Variants in CACNA2D3 observed in about 807,000 individuals in gnomAD.
CACNA2D3 encodes the protein voltage-dependent calcium channel subunit alpha-2/delta-3.
A neutral mutation model predicts 160.6 loss-of-function variants in CACNA2D3; 60 were observed. The observed-to-expected ratio is 0.37, with a 90% CI of 0.30 to 0.46. The LOEUF is 0.46. Among genes scored for constraint, CACNA2D3 ranks in the 20% least tolerant of loss-of-function variants. The pLI is 1.00. For missense variants in CACNA2D3, 1,205 were observed against 1,365.0 expected, an observed-to-expected ratio of 0.88 and a Z score of 1.85; for synonymous variants, 558 against 492.9, an observed-to-expected ratio of 1.13 and a Z score of -1.75.
intron 11 of CACNA2D3, among the ~76,000 whole-genome samples, chr3:54,690,479 T>C (rs574147147): frequency 1.3e-5 from 2 of 152,354 alleles, no homozygotes; most frequent in South Asian, 2.1e-4. Context: ...TCAATAAATA[T>C]CTGCTGAATG....
At chr3:54,690,050 G>C (rs549028599) in intron 11 of CACNA2D3, among the ~76,000 whole-genome samples, 4 of 152,024 alleles carry the variant, frequency 2.6e-5, no homozygotes, top group African/African-American at 9.6e-5. Flanking sequence ...TGCACTGGTT[G>C]TATCATCTGC....
chr3:54,321,437 A>G (rs1703990701), intron 3 of CACNA2D3, among the ~76,000 whole-genome samples: 1 of 152,070 alleles, frequency 6.6e-6, no homozygotes, highest in Admixed American at 6.5e-5. Context: ...ATGTACCACC[A>G]CACCTCGCTC....
At chr3:54,476,237 A>G (rs1700828944) in intron 4 of CACNA2D3, among the ~76,000 whole-genome samples, 1 of 148,582 alleles carries the variant, frequency 6.7e-6, no homozygotes, top group African/African-American at 2.5e-5. Flanking sequence ...ATATTAATAT[A>G]TAATATTCCT....
intron 27 of CACNA2D3, among the ~76,000 whole-genome samples, chr3:54,903,547 A>T (rs534363342): frequency 6.6e-6 from 1 of 152,328 alleles, no homozygotes; most frequent in South Asian, 2.1e-4. Flanking sequence ...TGATAGAATG[A>T]TTTATATTCC....
intron 2 of CACNA2D3, among the ~76,000 whole-genome samples, chr3:54,207,838 A>T (rs1007558157): frequency 6.6e-6 from 1 of 151,990 alleles, no homozygotes; most frequent in African/African-American, 2.4e-5. Flanking sequence ...TTTCCACAAG[A>T]TTACTTTGGA....
intron 4 of CACNA2D3, among the ~76,000 whole-genome samples, chr3:54,491,290 C>G (rs11716668): frequency 0.99 from 151,046 of 152,358 alleles, 74,888 homozygotes; most frequent in Middle Eastern, 1. Flanking sequence ...GGAAACAATG[C>G]GAGAAGCTAC....
At chr3:54,268,772 C>G (rs554641269) in intron 2 of CACNA2D3, among the ~76,000 whole-genome samples, 38 of 152,244 alleles carry the variant, frequency 2.5e-4, no homozygotes, top group African/African-American at 8.7e-4. Flanking sequence ...TCAGGGTCAC[C>G]CAGCTAGTAA....
At chr3:54,472,275 A>C (rs951852767) in intron 4 of CACNA2D3, among the ~76,000 whole-genome samples, 1 of 152,240 alleles carries the variant, frequency 6.6e-6, no homozygotes, top group Non-Finnish European at 1.5e-5. Context: ...TCCATCACAT[A>C]AACAGAACCA....
At chr3:55,018,425 T>C (rs1703375660) in intron 35 of CACNA2D3, 108 bp downstream of exon 35, 2 of 672,308 alleles carry the variant, frequency 3.0e-6, no homozygotes, top group Admixed American at 2.4e-5. Context: ...ATAGAAAACA[T>C]GGCTGCCCTC....
intron 2 of CACNA2D3, among the ~76,000 whole-genome samples, chr3:54,153,987 A>T (rs1188441841): frequency 6.6e-6 from 1 of 152,226 alleles, no homozygotes; most frequent in Non-Finnish European, 1.5e-5. Flanking sequence ...AAGATGGTAG[A>T]CTATAATCAA....
At chr3:54,583,235 A>C (rs1023103219) in intron 9 of CACNA2D3, among the ~76,000 whole-genome samples, 2 of 152,198 alleles carry the variant, frequency 1.3e-5, no homozygotes, top group African/African-American at 4.8e-5. Context: ...TAAATGATCA[A>C]AGCCTTCCTT....
intron 2 of CACNA2D3, among the ~76,000 whole-genome samples, chr3:54,204,166 C>T (rs1701227252): frequency 1.3e-5 from 2 of 151,918 alleles, no homozygotes; most frequent in African/African-American, 2.4e-5. Context: ...AGACTTGGTC[C>T]GAATTACCCC....
At position 54,814,025 on chromosome 3, in the gene CACNA2D3, C is replaced by T. The variant is rs118012781; in HGVS notation, c.1381-2828C>T. 2.4e-4 allele frequency among the ~76,000 whole-genome samples: 36 copies of T among 151,930 alleles called. No homozygotes were observed. The East Asian group carries it at 6.8e-3, about 29-fold the overall frequency. On this transcript the variant is annotated intron_variant, in intron 13 of 37. Coordinates refer to ENST00000474759, the MANE Select transcript of CACNA2D3 (RefSeq NM_018398.3). ...GGACTACAGCCATGTGCCACCATTC[C>T]CAGCTAATTTTTTTTGTATTTTTTG...
intron 4 of CACNA2D3, among the ~76,000 whole-genome samples, chr3:54,400,534 A>G (rs1297684739): frequency 6.6e-6 from 1 of 152,172 alleles, no homozygotes; most frequent in African/African-American, 2.4e-5. Flanking sequence ...GGAGGACATC[A>G]AAAGTCCTTG....
chr3:54,399,887 C>A (rs1168553142), intron 4 of CACNA2D3, among the ~76,000 whole-genome samples: 1 of 124,960 alleles, frequency 8.0e-6, no homozygotes, highest in South Asian at 2.6e-4. Context: ...TGGCGGGCGC[C>A]CCTCCCCCAG....
intron 35 of CACNA2D3, among the ~76,000 whole-genome samples, chr3:55,064,904 C>A (rs1704600953): frequency 1.3e-5 from 2 of 152,136 alleles, no homozygotes; most frequent in Admixed American, 6.5e-5. Flanking sequence ...GGGATGGGGG[C>A]AGGGGCAAGC....
intron 4 of CACNA2D3, among the ~76,000 whole-genome samples, chr3:54,445,043 G>A (rs1245718694): frequency 6.6e-6 from 1 of 152,202 alleles, no homozygotes; most frequent in Non-Finnish European, 1.5e-5. Context: ...ACTGGAGAAT[G>A]CAGACTCCAG....
intron 11 of CACNA2D3, among the ~76,000 whole-genome samples, chr3:54,670,989 T>C (rs1700149918): frequency 1.3e-5 from 2 of 152,126 alleles, no homozygotes; most frequent in Non-Finnish European, 2.9e-5. Context: ...AATAATCTGG[T>C]GGTGGACAGA....
intron 2 of CACNA2D3, among the ~76,000 whole-genome samples, chr3:54,132,446 C>T (rs781381818): frequency 3.9e-5 from 6 of 152,182 alleles, no homozygotes; most frequent in South Asian, 2.1e-4. Flanking sequence ...TGGCCAAGTT[C>T]GAGTATTTCA....
Sources: allele counts gnomAD v4.1 joint callset (sites outside exome capture counted in the v4.1 genomes callset), GRCh38; gene constraint gnomAD v4.1.1; transcripts MANE v1.5; gene names NCBI Gene and HGNC (gene_info 2026-07-23, HGNC 2026-07-21).